The following RTKN2 variants were observed in gnomAD, a reference collection of about 807,000 sequenced individuals.
RTKN2 encodes rhotekin 2, also known as rhotekin-2.
In RTKN2, 69 loss-of-function variants were observed where a neutral mutation model predicts 71.5. The ratio of observed to expected loss-of-function variants is 0.96; its 90% confidence interval spans 0.79 to 1.18. The LOEUF (loss-of-function observed/expected upper bound fraction) is 1.18. Among genes scored for constraint, RTKN2 ranks in the 50% most tolerant of loss-of-function variants. The probability of loss-of-function intolerance (pLI) is 0.00; values close to 1 mark genes in which losing one functional copy is unlikely to be tolerated. For synonymous variants in RTKN2, 236 were observed against 236.5 expected (o/e 1.00, Z 0.02); for missense variants, 724 against 719.7 (o/e 1.01, Z -0.07).
chr10:62,198,038 C>T lies in RTKN2; in HGVS notation c.1700G>A (p.Arg567Lys), dbSNP rs766743545. Residue 567 changes from arginine to lysine, a missense_variant, in exon 12 of 12, where the codon AGA becomes AAA. Transcript: ENST00000373789. ...GTGCTCACCATCACTTAATCTATTTCTCCTGGCAGGCAGAAGTTTTCGAGG... is the reference window on the plus strand; with the variant it reads ...GTGCTCACCATCACTTAATCTATTTTTCCTGGCAGGCAGAAGTTTTCGAGG... ...AAPRKLLPAR[R>K]NRLSDGEHTD... is the part of the protein sequence containing the mutation. The T allele has an allele frequency of 2.5e-6, 4 of 1,613,920 alleles. No individual in the cohort carries two copies. Among genetic ancestry groups the T allele is most frequent in the Non-Finnish European group, 3.4e-6 (4 of 1,179,972 alleles).
chr10:62,254,407 C>CA (rs1366008463), intron 2 of RTKN2, among the ~76,000 whole-genome samples: 1 of 152,140 alleles, frequency 6.6e-6, no homozygotes, highest in Admixed American at 6.5e-5. Context: ...CTCAGGCCTC[C>CA]AAGCCATGCT....
intron 2 of RTKN2, among the ~76,000 whole-genome samples, chr10:62,252,250 G>A (rs1016450478): frequency 1.3e-5 from 2 of 152,040 alleles, no homozygotes; most frequent in African/African-American, 4.8e-5. Context: ...ACAAAGGAAA[G>A]AAAATGAAAG....
At chr10:62,204,641 T>C (rs964052412) in intron 10 of RTKN2, among the ~76,000 whole-genome samples, 1 of 152,094 alleles carries the variant, frequency 6.6e-6, no homozygotes, top group African/African-American at 2.4e-5. Flanking sequence ...AAGTAGGAGG[T>C]AGAGATGCTA....
chr10:62,252,166 A>C (rs1485971383), intron 2 of RTKN2, among the ~76,000 whole-genome samples: 2 of 152,142 alleles, frequency 1.3e-5, no homozygotes, highest in African/African-American at 4.8e-5. Flanking sequence ...CCTTACACAC[A>C]TTCCAGTAAA....
chr10:62,218,193 ACCTGCTGATTAAGAAAT>A lies in RTKN2; in HGVS notation c.873_888+1del. Reference sequence around the variant, plus strand: ...GTTGTAGGATATTTAAAGTCCTCTAACCTGCTGATTAAGAAATCCTGCAAATGCATCCTCAGCCATAC... The same window carrying A: ...GTTGTAGGATATTTAAAGTCCTCTAACCTGCAAATGCATCCTCAGCCATAC... On this transcript the variant is annotated splice_donor_variant and coding_sequence_variant, in exon 8 of 12. Transcript: ENST00000373789. LOFTEE classifies it high-confidence loss of function. 6.3e-7 allele frequency: 1 copy of A among 1,597,160 alleles called. No individual in the cohort carries two copies. Among genetic ancestry groups the A allele is most frequent in the Non-Finnish European group, 8.6e-7 (1 of 1,165,100 alleles).
At chr10:62,216,876 C>T (rs1841780673) in intron 9 of RTKN2, among the ~76,000 whole-genome samples, 1 of 152,032 alleles carries the variant, frequency 6.6e-6, no homozygotes, top group Non-Finnish European at 1.5e-5. Flanking sequence ...GTTACATTCT[C>T]TGCCTTAAAA....
chr10:62,259,394 G>T (rs1842732162), intron 2 of RTKN2: 1 of 236,752 alleles, frequency 4.2e-6, no homozygotes, highest in African/African-American at 2.3e-5. Flanking sequence ...CACCTGGAAA[G>T]GCTGTTAATT....
At position 62,198,096 on chromosome 10, in the gene RTKN2, G is replaced by C; in HGVS notation, c.1642C>G (p.Leu548Val). ...ATTGGTTTCTGTAAGTGATGCATTA[G>C]AGTTGATAGTTTGGTATCCAAAGAC... Reference protein sequence around the residue: ...TSSLDTKLSTLMHHLQKPMAA... With the variant: ...TSSLDTKLSTVMHHLQKPMAA... Residue 548 changes from leucine (L) to valine (V), a missense_variant, in exon 12 of 12, where the codon CTA becomes GTA. Coordinates refer to ENST00000373789, the MANE Select transcript of RTKN2 (RefSeq NM_145307.4). The C allele has an allele frequency of 1.2e-6, 2 of 1,614,138 alleles. No homozygotes were observed. Among genetic ancestry groups the C allele is most frequent in the African/African-American group, 1.3e-5 (1 of 75,050 alleles).
chr10:62,193,770 A>G lies in RTKN2; in HGVS notation c.*4138T>C. ...GGGGAAATTCTGGATCACTAAACTA[A>G]AAGTAAGGTTATGTCAATGGATTTT... On this transcript the variant is annotated 3_prime_UTR_variant, in exon 12 of 12. Transcript: ENST00000373789. The G allele has an allele frequency of 1.0e-6, 1 of 985,080 alleles. No homozygotes were observed. The highest frequency in any genetic ancestry group is 1.2e-6 in the Non-Finnish European group (1 of 829,630). 61.0% of individuals were successfully genotyped at this position (985,080 alleles called of 1,614,324 possible). A position where few individuals can be genotyped will look rare whatever the true frequency, so the allele number is the denominator to read the frequency against.
intron 9 of RTKN2, among the ~76,000 whole-genome samples, chr10:62,214,794 A>G (rs1841732879): frequency 6.6e-6 from 1 of 152,136 alleles, no homozygotes; most frequent in South Asian, 2.1e-4. Context: ...TGATATGAAG[A>G]GAGGAAAAAG....
chr10:62,201,137 C>G (rs994539869), intron 10 of RTKN2, among the ~76,000 whole-genome samples: 1 of 151,970 alleles, frequency 6.6e-6, no homozygotes, highest in African/African-American at 2.4e-5. Context: ...CTATCTTATA[C>G]CAATAGAAAA....
intron 3 of RTKN2, among the ~76,000 whole-genome samples, chr10:62,241,433 A>G (rs1842371980): frequency 6.6e-6 from 1 of 152,146 alleles, no homozygotes; most frequent in Non-Finnish European, 1.5e-5. Context: ...TTCTAACTCC[A>G]TATATATCTG....
intron 2 of RTKN2, among the ~76,000 whole-genome samples, chr10:62,253,553 G>A (rs1460156206): frequency 6.6e-6 from 1 of 152,040 alleles, no homozygotes; most frequent in Admixed American, 6.5e-5. Flanking sequence ...AAGCCAATGT[G>A]ACAGTCATGA....
intron 5 of RTKN2, among the ~76,000 whole-genome samples, chr10:62,237,766 T>A (rs1280389180): frequency 6.6e-6 from 1 of 151,466 alleles, no homozygotes; most frequent in Non-Finnish European, 1.5e-5. Context: ...AGGGGAAAAA[T>A]GTACTTCAAA....
At chr10:62,257,102 T>C (rs1195682595) in intron 2 of RTKN2, among the ~76,000 whole-genome samples, 1 of 152,206 alleles carries the variant, frequency 6.6e-6, no homozygotes, top group East Asian at 1.9e-4. Flanking sequence ...ACAACACTGT[T>C]GGTGTTCTGC....
Position 62,196,541 on chromosome 10 carries a change from G to C in RTKN2, c.*1367C>G, listed in dbSNP as rs1048056289. On this transcript the variant is annotated 3_prime_UTR_variant, in exon 12 of 12. Transcript: ENST00000373789. ...GAAAGGCTCCATTTAAATTAATGTG[G>C]TTTTTTGGTCAAGTGTTCATTTTGT... The C allele has an allele frequency of 5.4e-5, 53 of 985,326 alleles. No individual in the cohort carries two copies. In the African/African-American group the frequency reaches 7.7e-4, roughly 14 times the overall value. 61.0% of individuals were successfully genotyped at this position (985,326 alleles called of 1,614,324 possible).
At chr10:62,249,602 G>A (rs1000762744) in intron 2 of RTKN2, among the ~76,000 whole-genome samples, 1 of 152,034 alleles carries the variant, frequency 6.6e-6, no homozygotes, top group African/African-American at 2.4e-5. Context: ...TCATTTTGAT[G>A]GAACAGGCAG....
intron 10 of RTKN2, among the ~76,000 whole-genome samples, chr10:62,202,128 T>C (rs1564499990): frequency 6.6e-6 from 1 of 152,204 alleles, no homozygotes; most frequent in Non-Finnish European, 1.5e-5. Context: ...GCTCCACTCC[T>C]ATTGACCATC....
At chr10:62,203,288 T>G (rs1271796197) in intron 10 of RTKN2, among the ~76,000 whole-genome samples, 4 of 152,138 alleles carry the variant, frequency 2.6e-5, no homozygotes, top group Admixed American at 1.3e-4. Flanking sequence ...TAGCTATGAT[T>G]AGCAAAAGCA....
Sources: allele counts gnomAD v4.1 joint callset (sites outside exome capture counted in the v4.1 genomes callset), GRCh38; gene constraint gnomAD v4.1.1; transcripts MANE v1.5; gene names NCBI Gene and HGNC (gene_info 2026-07-23, HGNC 2026-07-21).